KHDC1: variants seen among roughly 807,000 people sequenced by gnomAD.
The protein encoded by KHDC1 is KH domain containing 1.
KHDC1 carries 21 observed loss-of-function variants against 24.7 expected under a neutral mutation model. The observed-to-expected ratio is 0.85, with a 90% CI of 0.60 to 1.23. KHDC1 has a LOEUF of 1.23. KHDC1 is among the 50% of genes most tolerant of loss of function. KHDC1 has a pLI of 0.00. For missense variants in KHDC1, 274 were observed against 298.5 expected, an observed-to-expected ratio of 0.92 and a Z score of 0.61; for synonymous variants, 98 against 111.7, an observed-to-expected ratio of 0.88 and a Z score of 0.77.
intron 2 of KHDC1, chr6:73,269,197 G>C (rs1187494089): frequency 6.5e-6 from 1 of 153,194 alleles, no homozygotes; most frequent in African/African-American, 2.4e-5. Context: ...TGCCCACCCG[G>C]AACTCCAGCT....
chr6:73,293,713 C>T (rs760907468), intron 1 of KHDC1, among the ~76,000 whole-genome samples: 2 of 151,744 alleles, frequency 1.3e-5, no homozygotes, highest in African/African-American at 4.8e-5. Context: ...CAAGTGTAAT[C>T]CCAGCCATAG....
At chr6:73,260,238 A>C (rs897787868) in intron 2 of KHDC1, among the ~76,000 whole-genome samples, 5 of 152,160 alleles carry the variant, frequency 3.3e-5, no homozygotes, top group African/African-American at 1.2e-4. Context: ...TACAGAACAA[A>C]TTGAAATCAT....
At chr6:73,277,189 C>T (rs1388001290) in intron 2 of KHDC1, among the ~76,000 whole-genome samples, 2 of 152,082 alleles carry the variant, frequency 1.3e-5, no homozygotes, top group East Asian at 1.9e-4. Flanking sequence ...CAAGTCTGGT[C>T]GGGCACGGTG....
intron 2 of KHDC1, among the ~76,000 whole-genome samples, chr6:73,245,987 G>A (rs569973530): frequency 1.3e-5 from 2 of 152,252 alleles, no homozygotes; most frequent in African/African-American, 4.8e-5. Context: ...TCAGGATTCC[G>A]GGTTATTGGA....
At chr6:73,250,361 C>T (rs1190030272) in intron 2 of KHDC1, among the ~76,000 whole-genome samples, 1 of 152,162 alleles carries the variant, frequency 6.6e-6, no homozygotes, top group East Asian at 1.9e-4. Flanking sequence ...AAGGAGGCTT[C>T]CAGCAGAGGT....
chr6:73,277,863 C>CAAAA lies in KHDC1; in HGVS notation c.206+14131_206+14134dup, dbSNP rs35501040. On this transcript the variant is annotated intron_variant, in intron 2 of 4. Transcript: ENST00000370384. ...AGTCTGTATGATGGAGATCGTGTCT[C>CAAAA]AAAAAAAAAAAAAAATCACTAAATT... Among the ~76,000 whole-genome samples the CAAAA allele has an allele frequency of 2.8e-4, 37 of 131,670 alleles. 1 individual carries two copies. The highest frequency in any genetic ancestry group is 8.6e-3 in the Middle Eastern group (2 of 232). 86.4% of individuals were successfully genotyped at this position (131,670 alleles called of 152,430 possible).
chr6:73,243,183 C>G (rs951022), intron 2 of KHDC1, among the ~76,000 whole-genome samples: 10,224 of 152,156 alleles, frequency 0.067, 386 homozygotes, highest in East Asian at 0.13. Context: ...AATGTTCTCT[C>G]TCTCTGGTTT....
At chr6:73,279,040 A>G (rs2150660369) in intron 2 of KHDC1, among the ~76,000 whole-genome samples, 1 of 152,360 alleles carries the variant, frequency 6.6e-6, no homozygotes, top group South Asian at 2.1e-4. Flanking sequence ...TAAACACTAG[A>G]TGATTGACTG....
rs187055743 is a variant in KHDC1 at position 73,266,623 on chromosome 6, T to C, written c.207-24093A>G. Among the ~76,000 whole-genome samples the C allele has an allele frequency of 1.3e-4, 20 of 152,230 alleles. No individual in the cohort carries two copies. In the East Asian group the frequency reaches 2.3e-3, roughly 18 times the overall value. On this transcript the variant is annotated intron_variant, in intron 2 of 4. Transcript: ENST00000370384. ...CTTACCTTATACCAGATACAGAACTTAAAGTGGATCAAAGACCTAAATGTA... is the reference window on the plus strand; with the variant it reads ...CTTACCTTATACCAGATACAGAACTCAAAGTGGATCAAAGACCTAAATGTA...
chr6:73,273,233 T>C (rs973247463), intron 2 of KHDC1, among the ~76,000 whole-genome samples: 2 of 151,288 alleles, frequency 1.3e-5, no homozygotes, highest in African/African-American at 4.9e-5. Flanking sequence ...AATGGCGTGA[T>C]CTCGGCTCAC....
chr6:73,294,520 C>G (rs995735254), intron 1 of KHDC1, among the ~76,000 whole-genome samples: 2 of 152,138 alleles, frequency 1.3e-5, no homozygotes, highest in Non-Finnish European at 2.9e-5. Flanking sequence ...TCTATTTATT[C>G]TTTGTTATGT....
intron 2 of KHDC1, among the ~76,000 whole-genome samples, chr6:73,244,578 G>A (rs1227826526): frequency 6.6e-6 from 1 of 151,834 alleles, no homozygotes; most frequent in Non-Finnish European, 1.5e-5. Context: ...GAATCAGGTA[G>A]AGGATAAAAA....
chr6:73,284,027 T>C (rs1767468616), intron 2 of KHDC1, among the ~76,000 whole-genome samples: 1 of 152,080 alleles, frequency 6.6e-6, no homozygotes, highest in Admixed American at 6.6e-5. Flanking sequence ...TTCCTGGGCA[T>C]AGGCCAAACT....
At chr6:73,282,579 A>C (rs1271414869) in intron 2 of KHDC1, among the ~76,000 whole-genome samples, 1 of 152,154 alleles carries the variant, frequency 6.6e-6, no homozygotes, top group Non-Finnish European at 1.5e-5. Context: ...CAAGGTTAGA[A>C]ATTATAGTTT....
At chr6:73,290,976 C>G (rs1767639934) in intron 2 of KHDC1, 1 of 353,072 alleles carries the variant, frequency 2.8e-6, no homozygotes, top group East Asian at 7.0e-5. Flanking sequence ...TGCACCATCT[C>G]CCATGATCAT....
intron 1 of KHDC1, among the ~76,000 whole-genome samples, chr6:73,308,070 ATTTTTTTT>A (rs35521120): frequency 1.8e-5 from 2 of 111,984 alleles, no homozygotes; most frequent in South Asian, 2.9e-4. Context: ...GGCCCAGCTA[ATTTTTTTT>A]TTTTTTTTTT....
chr6:73,287,354 A>G (rs1767542138), intron 2 of KHDC1, among the ~76,000 whole-genome samples: 1 of 152,234 alleles, frequency 6.6e-6, no homozygotes, highest in Non-Finnish European at 1.5e-5. Flanking sequence ...ACAAGTGGCA[A>G]GTCAGCTTCA....
chr6:73,309,606 C>G, exon 1 of KHDC1: 1 of 1,546,908 alleles, frequency 6.5e-7, no homozygotes, highest in South Asian at 1.2e-5. Context: ...AGGAGCATCG[C>G]AAGGGTCTGG....
In KHDC1 at chr6:73,246,720, T is replaced by C. The variant is rs146145225; in HGVS notation, c.207-4190A>G. On this transcript the variant is annotated intron_variant, in intron 2 of 4. Transcript: ENST00000370384. Reference sequence around the variant, plus strand: ...TTATTACAAATAACCTAAAAAAATTTTTTTTCTTTTGACTTGTCAGTTTTT... The same window carrying C: ...TTATTACAAATAACCTAAAAAAATTCTTTTTCTTTTGACTTGTCAGTTTTT... Among the ~76,000 whole-genome samples, 289 of 152,352 alleles carry C rather than the reference T, an allele frequency of 1.9e-3. 3 individuals are homozygous for C. Among genetic ancestry groups the C allele is most frequent in the South Asian group, 7.7e-3 (37 of 4,834 alleles).
Sources: gnomAD v4.1 joint callset for allele counts (sites outside exome capture counted in the v4.1 genomes callset) on GRCh38, gnomAD v4.1.1 for gene constraint, MANE v1.5 for transcripts, NCBI Gene and HGNC (gene_info 2026-07-23, HGNC 2026-07-21) for gene names.